ZFYVE28: variants seen among roughly 807,000 people sequenced by gnomAD.
ZFYVE28 encodes zinc finger FYVE-type containing 28.
In ZFYVE28, 40 loss-of-function variants were observed where a neutral mutation model predicts 82.1. The observed-to-expected ratio is 0.49, with a 90% CI of 0.38 to 0.63. The LOEUF (loss-of-function observed/expected upper bound fraction) is 0.63. Ranked by LOEUF, ZFYVE28 falls within the 30% of genes least tolerant of loss-of-function variation. ZFYVE28 has a pLI of 0.00. For missense variants in ZFYVE28, 1,321 were observed against 1,242.1 expected (o/e 1.06, Z -0.96); for synonymous variants, 612 against 546.1 (o/e 1.12, Z -1.68).
intron 6 of ZFYVE28, chr4:2,330,539 A>T (rs1200181752): frequency 9.5e-6 from 11 of 1,160,086 alleles, no homozygotes; most frequent in Non-Finnish European, 9.6e-6. Flanking sequence ...AGGAAGGGAC[A>T]GCATGGAGGA....
rs1002647738 is a variant in ZFYVE28, at chr4:2,290,500, C to T, written c.2051+13789G>A. On this transcript the variant is annotated intron_variant, in intron 8 of 12. Coordinates refer to ENST00000290974, the MANE Select transcript of ZFYVE28 (RefSeq NM_020972.3). ...TTGGCCCTCTCCAGCTTTGTCCTCT[C>T]GTGAGGATGCAACGCTGCTCACTGA... is the stretch of plus-strand genomic sequence containing the variant. Among the ~76,000 whole-genome samples, 49 of 152,220 alleles carry T rather than the reference C, an allele frequency of 3.2e-4. 1 individual carries two copies. The highest frequency in any genetic ancestry group is 9.9e-4 in the African/African-American group (41 of 41,466).
intron 1 of ZFYVE28, among the ~76,000 whole-genome samples, chr4:2,405,346 T>A (rs1731756622): frequency 6.6e-6 from 1 of 152,238 alleles, no homozygotes; most frequent in African/African-American, 2.4e-5. Flanking sequence ...CTTGGCCTTT[T>A]CAGAAGTGTC....
At chr4:2,327,231 C>T (rs565745996) in intron 6 of ZFYVE28, among the ~76,000 whole-genome samples, 14 of 126,856 alleles carry the variant, frequency 1.1e-4, no homozygotes, top group African/African-American at 3.6e-4. Context: ...GCCTGGGTGA[C>T]GGAGCAAGAC....
chr4:2,402,868 TGCCCCCTCCACCAA>T (rs1195381584), intron 1 of ZFYVE28, among the ~76,000 whole-genome samples: 74 of 152,208 alleles, frequency 4.9e-4, no homozygotes, highest in African/African-American at 1.8e-3. Flanking sequence ...GGGCCAAGCC[TGCCCCCTCCACCAA>T]GGCCCCTCCT....
At chr4:2,328,554 G>C (rs1029034674) in intron 6 of ZFYVE28, 1 of 152,138 alleles carries the variant, frequency 6.6e-6, no homozygotes, top group African/African-American at 2.4e-5. Flanking sequence ...TCATTCAAAA[G>C]ATGTTAAATA....
chr4:2,337,403 T>C lies in ZFYVE28; in HGVS notation c.611+4A>G. 6.3e-7 allele frequency: 1 copy of C among 1,599,302 alleles called. No homozygotes were observed. The highest frequency in any genetic ancestry group is 8.5e-7 in the Non-Finnish European group (1 of 1,172,102). ...CCCCAGCCCCTAAGCATCCCTGTGC[T>C]CACCTCTCCACCGTCTCGCAGAAGA... is the stretch of plus-strand genomic sequence containing the variant. On this transcript the variant is annotated splice_donor_region_variant and intron_variant, in intron 5 of 12. Coordinates refer to ENST00000290974, the MANE Select transcript of ZFYVE28 (RefSeq NM_020972.3).
chr4:2,341,623 A>C lies in ZFYVE28; in HGVS notation c.181-8T>G. On this transcript the variant is annotated splice_region_variant and splice_polypyrimidine_tract_variant and intron_variant, in intron 2 of 12. Transcript: ENST00000290974. This position sits in a 1 kb window ranked among gnomAD's most constrained non-coding sequence, Gnocchi z 4.5. ...GATGTTCAACACATTGTCCTGAAAC[A>C]GAAGACAGGAGAAAGTGCGCCAATC... 1 of 1,598,022 alleles carries C rather than the reference A, an allele frequency of 6.3e-7. No homozygotes were observed. The highest frequency in any genetic ancestry group is 8.6e-7 in the Non-Finnish European group (1 of 1,166,858).
intron 1 of ZFYVE28, among the ~76,000 whole-genome samples, chr4:2,356,098 A>G (rs938158484): frequency 6.6e-6 from 1 of 152,010 alleles, no homozygotes; most frequent in Non-Finnish European, 1.5e-5. Context: ...CTGGCCCTCC[A>G]GTCCTCACTC....
intron 1 of ZFYVE28, among the ~76,000 whole-genome samples, chr4:2,381,702 C>G (rs1728750386): frequency 6.6e-6 from 1 of 152,182 alleles, no homozygotes; most frequent in Non-Finnish European, 1.5e-5. Context: ...CCACTGCATC[C>G]AGCTGTGACA....
chr4:2,355,271 T>A (rs3128830), intron 1 of ZFYVE28, among the ~76,000 whole-genome samples: 2,368 of 34,284 alleles, frequency 0.069, 505 homozygotes, highest in African/African-American at 0.17. Flanking sequence ...TATATATATA[T>A]AATGATTCTT....
chr4:2,305,642 G>T (rs1279226541), intron 7 of ZFYVE28, 106 bp from the exon 8 acceptor site: 5 of 1,336,674 alleles, frequency 3.7e-6, no homozygotes, highest in Non-Finnish European at 5.2e-6. Context: ...CAGAACAACA[G>T]CCAGGCACTG....
intron 1 of ZFYVE28, among the ~76,000 whole-genome samples, chr4:2,377,673 G>A (rs529292148): frequency 3.5e-4 from 53 of 152,218 alleles, no homozygotes; most frequent in Admixed American, 1.2e-3. Context: ...AGAAACCTGC[G>A]GGGCTTTTTC....
chr4:2,296,697 C>T (rs1714621784), intron 8 of ZFYVE28, among the ~76,000 whole-genome samples: 1 of 152,102 alleles, frequency 6.6e-6, no homozygotes, highest in South Asian at 2.1e-4. Flanking sequence ...GCCGTGTGAG[C>T]CTCCCAGTGA....
rs1730171806 is a variant in ZFYVE28 at position 2,394,156 on chromosome 4, C to T, written c.39+24129G>A. On this transcript the variant is annotated intron_variant, in intron 1 of 12. Transcript: ENST00000290974. This position sits in a 1 kb window ranked among gnomAD's most constrained non-coding sequence, Gnocchi z 4.0. Reference sequence around the variant, plus strand: ...CTGCCCCCTTCTCCACTACTGAGGACTCCTGTGGTTCCACTGGGGCCACCG... The same window carrying T: ...CTGCCCCCTTCTCCACTACTGAGGATTCCTGTGGTTCCACTGGGGCCACCG... 6.6e-6 allele frequency among the ~76,000 whole-genome samples: 1 copy of T among 152,206 alleles called. No homozygotes were observed. The highest frequency in any genetic ancestry group is 1.5e-5 in the Non-Finnish European group (1 of 68,032).
chr4:2,325,903 A>AT (rs879673269), intron 6 of ZFYVE28, among the ~76,000 whole-genome samples: 3 of 151,086 alleles, frequency 2.0e-5, no homozygotes, highest in Admixed American at 6.6e-5. Flanking sequence ...TCTTACCCAT[A>AT]TTTTTTTTAA....
chr4:2,395,884 C>A (rs890601709), intron 1 of ZFYVE28, among the ~76,000 whole-genome samples: 1 of 152,170 alleles, frequency 6.6e-6, no homozygotes, highest in Non-Finnish European at 1.5e-5. Context: ...ACACTTGGCG[C>A]CAGGGGGTTC....
At chr4:2,297,738 C>T (rs143316235) in intron 8 of ZFYVE28, among the ~76,000 whole-genome samples, 10 of 151,358 alleles carry the variant, frequency 6.6e-5, no homozygotes, top group East Asian at 3.9e-4. Context: ...CGGCAGAGGA[C>T]GAGCAGTGAC....
chr4:2,398,407 G>A (rs907441254), intron 1 of ZFYVE28, among the ~76,000 whole-genome samples: 15 of 152,226 alleles, frequency 9.9e-5, no homozygotes, highest in African/African-American at 3.1e-4. Context: ...CTCGAGAGAT[G>A]GCAGCCAAGC....
At chr4:2,411,776 A>C (rs182367065) in intron 1 of ZFYVE28, among the ~76,000 whole-genome samples, 158 of 152,282 alleles carry the variant, frequency 1.0e-3, no homozygotes, top group African/African-American at 3.6e-3. Context: ...AACGGATAGA[A>C]GCTCATCCCC....
Sources: gnomAD v4.1 joint callset for allele counts (sites outside exome capture counted in the v4.1 genomes callset) on GRCh38, gnomAD v4.1.1 for gene constraint, Gnocchi (gnomAD v3.1) non-coding constraint, MANE v1.5 for transcripts, NCBI Gene and HGNC (gene_info 2026-07-23, HGNC 2026-07-21) for gene names.